Variants in SELENOI observed in about 807,000 individuals in gnomAD.
The protein encoded by SELENOI is ethanolaminephosphotransferase 1.
In SELENOI, 24 loss-of-function variants were observed where a neutral mutation model predicts 50.7. The ratio of observed to expected loss-of-function variants is 0.47; its 90% CI spans 0.34 to 0.67. SELENOI has a LOEUF of 0.67. Ranked by LOEUF, SELENOI falls within the 30% of genes least tolerant of loss-of-function variation. SELENOI has a pLI of 0.01. For missense variants in SELENOI, 352 were observed against 461.4 expected (o/e 0.76, Z 2.17); for synonymous variants, 155 against 170.2 (o/e 0.91, Z 0.70).
At chr2:26,370,735 G>C (rs1217916546) in intron 4 of SELENOI, among the ~76,000 whole-genome samples, 29 of 137,338 alleles carry the variant, frequency 2.1e-4, no homozygotes, top group Middle Eastern at 5.0e-3. Context: ...CTGGCCGGGC[G>C]GGGGGCTGAC....
intron 4 of SELENOI, among the ~76,000 whole-genome samples, chr2:26,368,629 A>G (rs1677340204): frequency 6.6e-6 from 1 of 152,230 alleles, no homozygotes; most frequent in Non-Finnish European, 1.5e-5. Flanking sequence ...AGTCTCTGAT[A>G]ATATATGATA....
chr2:26,349,910 A>G (rs946702098), intron 1 of SELENOI, among the ~76,000 whole-genome samples: 18 of 144,336 alleles, frequency 1.2e-4, no homozygotes, highest in Non-Finnish European at 9.1e-5. Flanking sequence ...AAGTTGGGCA[A>G]CATAGTGAGA....
At chr2:26,353,254 C>T (rs1435850572) in intron 1 of SELENOI, among the ~76,000 whole-genome samples, 1 of 152,176 alleles carries the variant, frequency 6.6e-6, no homozygotes, top group African/African-American at 2.4e-5. Context: ...CAGGTCACTT[C>T]TCTTGGATGG....
At chr2:26,346,560 A>ATT in intron 1 of SELENOI, 1 of 343,678 alleles carries the variant, frequency 2.9e-6, no homozygotes, top group East Asian at 5.2e-5. Context: ...TTCCCTTCCT[A>ATT]TTTTTTTTAA....
chr2:26,348,496 T>A lies in SELENOI; in HGVS notation c.57+2207T>A, dbSNP rs76708830. 5.3e-3 allele frequency among the ~76,000 whole-genome samples: 807 copies of A among 152,344 alleles called. 34 individuals are homozygous for A. The South Asian group carries it at 0.083, about 16-fold the overall frequency. On this transcript the variant is annotated intron_variant, in intron 1 of 9. Coordinates refer to ENST00000260585, the MANE Select transcript of SELENOI (RefSeq NM_033505.4). Reference sequence around the variant, plus strand: ...GCACACGGGGAGTGGAAATTAGGTTTCTGAAGCAGGAAACTATAAGACAAT... The same window carrying A: ...GCACACGGGGAGTGGAAATTAGGTTACTGAAGCAGGAAACTATAAGACAAT...
In SELENOI at chr2:26,388,535, C is replaced by T. The variant is rs575801510; in HGVS notation, c.1096-470C>T. ...ATAAGTATCAAGTAAATGACATGCA[C>T]TCGCTGACCTATAACTAAGCTCTTG... On this transcript the variant is annotated intron_variant, in intron 9 of 9. Coordinates refer to ENST00000260585, the MANE Select transcript of SELENOI (RefSeq NM_033505.4). 2.6e-5 allele frequency among the ~76,000 whole-genome samples: 4 copies of T among 152,300 alleles called. No homozygotes were observed. The East Asian group carries it at 7.7e-4, about 29-fold the overall frequency.
At chr2:26,380,394 C>T (rs1677662074) in intron 6 of SELENOI, among the ~76,000 whole-genome samples, 1 of 152,022 alleles carries the variant, frequency 6.6e-6, no homozygotes, top group Non-Finnish European at 1.5e-5. Flanking sequence ...TGTACTGTGC[C>T]TTTTTTCCTC....
At position 26,390,070 on chromosome 2, in the gene SELENOI, T is replaced by A. The variant is rs1677930523; in HGVS notation, c.*967T>A. The A allele has an allele frequency of 6.8e-6, 1 of 147,396 alleles. No individual in the cohort carries two copies. Among genetic ancestry groups the A allele is most frequent in the Non-Finnish European group, 1.5e-5 (1 of 67,038 alleles). 9.1% of individuals were successfully genotyped at this position (147,396 alleles called of 1,614,324 possible). The stretch of plus-strand genomic sequence containing the variant: ...TTTCAGGGTGAGGTGCTGTGTTTCT[T>A]ATTTCATACGAGATAAAACAGAGAG... On this transcript the variant is annotated 3_prime_UTR_variant, in exon 10 of 10. Coordinates refer to ENST00000260585, the MANE Select transcript of SELENOI (RefSeq NM_033505.4).
chr2:26,355,721 C>A (rs796431041), intron 1 of SELENOI, among the ~76,000 whole-genome samples: 124 of 146,692 alleles, frequency 8.5e-4, no homozygotes, highest in African/African-American at 3.0e-3. Context: ...GGGCGTAGTT[C>A]TTCAAGTCTC....
At chr2:26,370,766 C>T (rs1473993614) in intron 4 of SELENOI, among the ~76,000 whole-genome samples, 10 of 141,928 alleles carry the variant, frequency 7.0e-5, no homozygotes, top group Admixed American at 1.4e-4. Flanking sequence ...CCCTCCCGGA[C>T]GGGGCGGCTG....
chr2:26,384,891 C>G, intron 7 of SELENOI, 68 bp from the exon 8 acceptor site: 1 of 1,078,950 alleles, frequency 9.3e-7, no homozygotes. Context: ...AAACTATAAA[C>G]TACAGTACAA....
At position 26,393,876 on chromosome 2, in the gene SELENOI, T is replaced by C. The variant is rs2147967633; in HGVS notation, c.*4773T>C. 6.6e-6 allele frequency: 1 copy of C among 152,378 alleles called. No individual in the cohort carries two copies. Among genetic ancestry groups the C allele is most frequent in the South Asian group, 2.1e-4 (1 of 4,830 alleles). The allele number at this position is 152,378 out of a possible 1,614,324, so 9.4% of individuals were successfully genotyped here. On this transcript the variant is annotated 3_prime_UTR_variant, in exon 10 of 10. Coordinates refer to ENST00000260585, the MANE Select transcript of SELENOI (RefSeq NM_033505.4). ...GGATATTTCATGTCTGTTTGGCTAA[T>C]GTCTTCTCTTGAGGAGTTTCTATGG...
chr2:26,372,076 G>A (rs1272451441), intron 4 of SELENOI, among the ~76,000 whole-genome samples: 1 of 151,796 alleles, frequency 6.6e-6, no homozygotes, highest in African/African-American at 2.4e-5. Context: ...TTTATGGTTT[G>A]TGATATACCA....
intron 1 of SELENOI, among the ~76,000 whole-genome samples, chr2:26,348,412 A>G (rs1043434895): frequency 3.9e-5 from 6 of 152,262 alleles, no homozygotes; most frequent in African/African-American, 1.4e-4. Flanking sequence ...CCCTAGAGGT[A>G]TATCTGAGAG....
At chr2:26,363,567 C>T (rs966861064) in intron 1 of SELENOI, among the ~76,000 whole-genome samples, 4 of 152,050 alleles carry the variant, frequency 2.6e-5, no homozygotes, top group African/African-American at 7.2e-5. Context: ...ATTATCTTGG[C>T]GATTTGGACT....
chr2:26,354,431 G>A (rs888131956), intron 1 of SELENOI, among the ~76,000 whole-genome samples: 6 of 152,134 alleles, frequency 3.9e-5, no homozygotes, highest in African/African-American at 1.4e-4. Context: ...CTGTCGCCCA[G>A]GCTGGAGTGC....
intron 3 of SELENOI, 55 bp from the exon 4 acceptor site, chr2:26,367,091 G>T: frequency 1.4e-6 from 2 of 1,434,210 alleles, no homozygotes; most frequent in South Asian, 2.5e-5. Flanking sequence ...TATATGCTAT[G>T]GTAAGAACTA....
intron 1 of SELENOI, among the ~76,000 whole-genome samples, chr2:26,357,904 G>C (rs1250364804): frequency 6.6e-6 from 1 of 152,136 alleles, no homozygotes; most frequent in Admixed American, 6.5e-5. Flanking sequence ...TTGAACCATG[G>C]GGGCGGTTTC....
At position 26,383,792 on chromosome 2, in the gene SELENOI, T is replaced by G. The variant is rs180808960; in HGVS notation, c.731+445T>G. ...AGGAGGCTGAGGCAGGAGAATTGCT[T>G]GAACCTGGGAGGCGGAGGTTGCAGT... On this transcript the variant is annotated intron_variant, in intron 7 of 9. Transcript: ENST00000260585. Among the ~76,000 whole-genome samples the G allele has an allele frequency of 1.0e-3, 154 of 152,204 alleles. 1 individual carries two copies. The highest frequency in any genetic ancestry group is 1.6e-3 in the Non-Finnish European group (108 of 67,992).
Sources: gnomAD v4.1 joint callset for allele counts (sites outside exome capture counted in the v4.1 genomes callset) on GRCh38, gnomAD v4.1.1 for gene constraint, MANE v1.5 for transcripts, NCBI Gene and HGNC (gene_info 2026-07-23, HGNC 2026-07-21) for gene names.